The following PLPP3 variants were observed in gnomAD, a reference collection of about 807,000 sequenced individuals.
PLPP3 encodes the protein PAP2 beta.
In PLPP3, 6 loss-of-function variants were observed where a neutral mutation model predicts 29.6. That is an observed-to-expected ratio of 0.20 (90% CI 0.11 to 0.40). The LOEUF is 0.40. Ranked by LOEUF, PLPP3 falls within the 10% of genes least tolerant of loss-of-function variation. The pLI is 1.00. For missense variants in PLPP3, 308 were observed against 407.7 expected (o/e 0.76, Z 2.11); for synonymous variants, 152 against 159.7 (o/e 0.95, Z 0.36).
intron 4 of PLPP3, chr1:56,513,012 T>C (rs1645753657): frequency 6.6e-6 from 1 of 152,188 alleles, no homozygotes; most frequent in African/African-American, 2.4e-5. Flanking sequence ...GAGATGCTTC[T>C]GCTTCAGAAG....
intron 5 of PLPP3, among the ~76,000 whole-genome samples, chr1:56,507,349 G>A (rs1003604733): frequency 6.6e-6 from 1 of 152,228 alleles, no homozygotes; most frequent in Admixed American, 6.5e-5. Context: ...GCCCAGAAGG[G>A]AAGTGTCTGG....
intron 1 of PLPP3, among the ~76,000 whole-genome samples, chr1:56,556,076 G>C (rs1646074740): frequency 6.6e-6 from 1 of 152,152 alleles, no homozygotes; most frequent in South Asian, 2.1e-4. Context: ...TACTTGGCTT[G>C]GGCCTCAATT....
chr1:56,526,168 T>G (rs1308695928), intron 2 of PLPP3, among the ~76,000 whole-genome samples: 1 of 152,138 alleles, frequency 6.6e-6, no homozygotes, highest in African/African-American at 2.4e-5. Flanking sequence ...AAAACTAGTA[T>G]GGGACCCTGC....
rs1376797028 is a variant in PLPP3 at position 56,579,397 on chromosome 1, G to A, written c.-381C>T. On this transcript the variant is annotated 5_prime_UTR_variant, in exon 1 of 6. Transcript: ENST00000371250. ...CGCTCGGCCACCTTCCTCCGCAGCT[G>A]GTTCCTTAATGAATGGGAGCTGCGC... 4 of 251,884 alleles carry A rather than the reference G, an allele frequency of 1.6e-5. No individual in the cohort carries two copies. The highest frequency in any genetic ancestry group is 2.3e-5 in the Non-Finnish European group (3 of 130,694). 15.6% of individuals were successfully genotyped at this position (251,884 alleles called of 1,614,324 possible). A position where few individuals can be genotyped will look rare whatever the true frequency, so the allele number is the denominator to read the frequency against.
intron 2 of PLPP3, among the ~76,000 whole-genome samples, chr1:56,533,630 C>A (rs1645905636): frequency 6.6e-6 from 1 of 152,112 alleles, no homozygotes; most frequent in Admixed American, 6.5e-5. Flanking sequence ...AGAGCGTGCA[C>A]ATAAAAGCCA....
At chr1:56,522,400 T>C (rs1569876932) in intron 4 of PLPP3, among the ~76,000 whole-genome samples, 1 of 152,230 alleles carries the variant, frequency 6.6e-6, no homozygotes, top group Non-Finnish European at 1.5e-5. Flanking sequence ...CTAAGCACTT[T>C]TATAAAACAT....
chr1:56,578,311 C>G (rs1343461435), intron 1 of PLPP3, among the ~76,000 whole-genome samples: 2 of 152,154 alleles, frequency 1.3e-5, no homozygotes, highest in Non-Finnish European at 2.9e-5. Context: ...TTGCTGAAGC[C>G]GTGCCCAGCA....
intron 1 of PLPP3, chr1:56,538,575 A>C: frequency 2.7e-6 from 1 of 372,304 alleles, no homozygotes; most frequent in Non-Finnish European, 5.3e-6. Context: ...TGCTGTAGAC[A>C]TCTAAGGGAA....
At chr1:56,521,640 G>A (rs1187442138) in intron 4 of PLPP3, among the ~76,000 whole-genome samples, 1 of 151,560 alleles carries the variant, frequency 6.6e-6, no homozygotes, top group Non-Finnish European at 1.5e-5. Flanking sequence ...TGGCCTCAAG[G>A]GATCCTCTTA....
chr1:56,496,637 G>A lies in PLPP3; in HGVS notation c.850C>T (p.Leu284Phe), dbSNP rs1405600033. Reference protein sequence around the residue: ...VSDLFKTKTTLSLPAPAIRKE... With the variant: ...VSDLFKTKTTFSLPAPAIRKE... ...CGGATAGCAGGGGCAGGCAGGGAGAGCGTCGTCTTAGTCTTGAAGAGGTCA... is the reference window on the plus strand; with the variant it reads ...CGGATAGCAGGGGCAGGCAGGGAGAACGTCGTCTTAGTCTTGAAGAGGTCA... The change falls in exon 6 of 6, where the codon CTC (leucine) becomes TTC (phenylalanine). Residue 284 changes from leucine (L) to phenylalanine (F), a missense_variant. By Grantham distance (22) the Leu-to-Phe change is conservative. This residue lies in a region of PLPP3 where 232 missense variants were observed against 317.2 expected (regional missense o/e 0.73). Coordinates refer to ENST00000371250, the MANE Select transcript of PLPP3 (RefSeq NM_003713.5). 1.9e-6 allele frequency: 3 copies of A among 1,613,814 alleles called. No homozygotes were observed. The highest frequency in any genetic ancestry group is 2.5e-6 in the Non-Finnish European group (3 of 1,179,888).
intron 4 of PLPP3, among the ~76,000 whole-genome samples, chr1:56,523,057 C>T (rs1645829973): frequency 6.6e-6 from 1 of 152,186 alleles, no homozygotes; most frequent in Admixed American, 6.5e-5. Context: ...CATGGTTCTA[C>T]TACTGGTTGA....
chr1:56,532,053 CCTAA>C (rs1645892302), intron 2 of PLPP3, among the ~76,000 whole-genome samples: 1 of 152,130 alleles, frequency 6.6e-6, no homozygotes, highest in African/African-American at 2.4e-5. Context: ...AAGAGCTGTA[CCTAA>C]CTAAGGAAGA....
intron 1 of PLPP3, among the ~76,000 whole-genome samples, chr1:56,576,683 T>C (rs754825647): frequency 3.9e-5 from 6 of 152,118 alleles, no homozygotes; most frequent in Non-Finnish European, 7.3e-5. Flanking sequence ...TTTTTGGAGA[T>C]AAACAAAATC....
chr1:56,548,090 G>C (rs1646017103), intron 1 of PLPP3, among the ~76,000 whole-genome samples: 2 of 152,156 alleles, frequency 1.3e-5, no homozygotes, highest in South Asian at 2.1e-4. Context: ...GGAGTAACCT[G>C]GACAGGGCCG....
At chr1:56,565,124 T>C (rs1569604574) in intron 1 of PLPP3, among the ~76,000 whole-genome samples, 1 of 152,334 alleles carries the variant, frequency 6.6e-6, no homozygotes, top group East Asian at 1.9e-4. Flanking sequence ...GAGTGTCTAA[T>C]GAAATCTGCT....
chr1:56,576,724 T>A (rs1231645804), intron 1 of PLPP3, among the ~76,000 whole-genome samples: 1 of 152,132 alleles, frequency 6.6e-6, no homozygotes, highest in East Asian at 1.9e-4. Flanking sequence ...CAACAGTGAA[T>A]AAATATAATA....
chr1:56,522,397 C>T (rs532838172), intron 4 of PLPP3, among the ~76,000 whole-genome samples: 1 of 151,888 alleles, frequency 6.6e-6, no homozygotes, highest in Non-Finnish European at 1.5e-5. Flanking sequence ...CCTCTAAGCA[C>T]TTTTATAAAA....
intron 1 of PLPP3, among the ~76,000 whole-genome samples, chr1:56,554,587 A>G (rs571089780): frequency 5.3e-5 from 8 of 150,924 alleles, no homozygotes; most frequent in African/African-American, 1.7e-4. Context: ...AAAAAAAAAA[A>G]GAAATACAGT....
At chr1:56,542,011 C>A (rs531760857) in intron 1 of PLPP3, among the ~76,000 whole-genome samples, 1 of 150,816 alleles carries the variant, frequency 6.6e-6, no homozygotes, top group Non-Finnish European at 1.5e-5. Context: ...GACCGAGACC[C>A]AGACCCAAGC....
Sources: allele counts gnomAD v4.1 joint callset (sites outside exome capture counted in the v4.1 genomes callset), GRCh38; gene constraint gnomAD v4.1.1; regional missense constraint gnomAD v4.1.1; transcripts MANE v1.5; gene names NCBI Gene and HGNC (gene_info 2026-07-23, HGNC 2026-07-21).